Variants in PDIA5 observed in about 807,000 individuals in gnomAD.
PDIA5 encodes protein disulfide-isomerase A5.
Under a neutral mutation model 77.6 loss-of-function variants are expected in PDIA5, and 58 were observed. The observed-to-expected ratio is 0.75, with a 90% CI of 0.61 to 0.93. The LOEUF (loss-of-function observed/expected upper bound fraction) is 0.93. Ranked by LOEUF, PDIA5 falls within the 40% of genes least tolerant of loss-of-function variation. The pLI is 0.00. For missense variants in PDIA5, 630 were observed against 647.7 expected, an observed-to-expected ratio of 0.97 and a Z score of 0.30; for synonymous variants, 250 against 252.1, an observed-to-expected ratio of 0.99 and a Z score of 0.08.
At chr3:123,107,075 A>G (rs1434107681) in intron 6 of PDIA5, among the ~76,000 whole-genome samples, 2 of 152,200 alleles carry the variant, frequency 1.3e-5, no homozygotes, top group East Asian at 3.8e-4. Context: ...CACCTTCCTT[A>G]TTTAATGCAT....
At chr3:123,112,665 C>A (rs1198938655) in intron 7 of PDIA5, among the ~76,000 whole-genome samples, 3 of 146,698 alleles carry the variant, frequency 2.0e-5, no homozygotes, top group Non-Finnish European at 4.5e-5. Context: ...TCAAATGATT[C>A]TCCTGCCTCA....
intron 3 of PDIA5, among the ~76,000 whole-genome samples, chr3:123,092,664 C>T (rs1033356777): frequency 6.6e-6 from 1 of 152,102 alleles, no homozygotes; most frequent in East Asian, 1.9e-4. Flanking sequence ...TCCCTTTTTC[C>T]GTAGAGCTTT....
At chr3:123,070,899 T>A (rs1229940115) in intron 1 of PDIA5, among the ~76,000 whole-genome samples, 1 of 152,056 alleles carries the variant, frequency 6.6e-6, no homozygotes, top group Non-Finnish European at 1.5e-5. Context: ...TAGAGTTTTC[T>A]GGTCTGCAGT....
intron 15 of PDIA5, among the ~76,000 whole-genome samples, chr3:123,156,612 G>C (rs1230870840): frequency 6.6e-6 from 1 of 152,166 alleles, no homozygotes; most frequent in Non-Finnish European, 1.5e-5. Context: ...AGAATGCTGG[G>C]TGCTCTGGGC....
Position 123,155,056 on chromosome 3 carries a change from C to G in PDIA5, c.1344+15C>G. 1 of 1,567,052 alleles carries G rather than the reference C, an allele frequency of 6.4e-7. No individual in the cohort carries two copies. Among genetic ancestry groups the G allele is most frequent in the African/African-American group, 1.3e-5 (1 of 74,100 alleles). ...ATGACCGAAAGGTAAGGACAGCGCT[C>G]TTCATCTCTTGATCTGCCTGCAGCT... On this transcript the variant is annotated intron_variant, in intron 15 of 16. Coordinates refer to ENST00000316218, the MANE Select transcript of PDIA5 (RefSeq NM_006810.4).
At position 123,162,060 on chromosome 3, in the gene PDIA5, C is replaced by G; in HGVS notation, c.*100C>G. ...TCTGAAGACAAATTTTTTATAGCCG[C>G]TTATGGCCATTTTGTACAATTTTGA... On this transcript the variant is annotated 3_prime_UTR_variant, in exon 17 of 17. Coordinates refer to ENST00000316218, the MANE Select transcript of PDIA5 (RefSeq NM_006810.4). 1 of 735,712 alleles carries G rather than the reference C, an allele frequency of 1.4e-6. No individual in the cohort carries two copies. The highest frequency in any genetic ancestry group is 2.3e-5 in the Admixed American group (1 of 43,760). The allele number at this position is 735,712 out of a possible 1,614,324, so 45.6% of individuals were successfully genotyped here.
At chr3:123,156,316 G>A (rs113432389) in intron 15 of PDIA5, among the ~76,000 whole-genome samples, 152 of 152,294 alleles carry the variant, frequency 1.0e-3, no homozygotes, top group African/African-American at 3.3e-3. Context: ...ATTGTTACCC[G>A]AAAGCCCTGG....
chr3:123,085,231 A>G (rs1468511572), intron 1 of PDIA5, among the ~76,000 whole-genome samples: 1 of 152,184 alleles, frequency 6.6e-6, no homozygotes, highest in Non-Finnish European at 1.5e-5. Flanking sequence ...AGGGCTTTCA[A>G]TGCGCCAGGC....
intron 8 of PDIA5, among the ~76,000 whole-genome samples, chr3:123,122,060 A>T (rs1304187558): frequency 1.3e-5 from 2 of 152,330 alleles, no homozygotes; most frequent in Middle Eastern, 3.4e-3. Flanking sequence ...GAGAATAAAA[A>T]ATCTAGACCC....
chr3:123,161,851 C>A, intron 16 of PDIA5, 29 bp from the exon 17 acceptor site: 1 of 1,112,610 alleles, frequency 9.0e-7, no homozygotes, highest in Non-Finnish European at 1.3e-6. Context: ...AAAGCTCTTT[C>A]TCTCTCTCTC....
intron 5 of PDIA5, among the ~76,000 whole-genome samples, chr3:123,105,417 G>A (rs928393111): frequency 1.3e-5 from 2 of 152,176 alleles, no homozygotes; most frequent in African/African-American, 2.4e-5. Context: ...GGAAGACCCT[G>A]CCAATTCCAT....
At chr3:123,160,514 C>A (rs548882198) in intron 15 of PDIA5, among the ~76,000 whole-genome samples, 5 of 152,284 alleles carry the variant, frequency 3.3e-5, no homozygotes, top group African/African-American at 9.6e-5. Context: ...GCTCAGATGG[C>A]GAATCATACA....
In PDIA5 at chr3:123,161,891, T is replaced by C; in HGVS notation, c.1491T>C (p.Phe497=). Reference sequence around the variant, plus strand: ...CCACTTCCCTGCAGGAATTGGGATTTACCAATTATATTCGAGCCCTCCGGG... The same window carrying C: ...CCACTTCCCTGCAGGAATTGGGATTCACCAATTATATTCGAGCCCTCCGGG... The part of the protein sequence containing the change: ...KYDSDRTELG[F]TNYIRALREG... The change falls in exon 17 of 17, where the codon TTT becomes TTC. Residue 497 remains phenylalanine, a synonymous_variant. Coordinates refer to ENST00000316218, the MANE Select transcript of PDIA5 (RefSeq NM_006810.4). The C allele has an allele frequency of 6.3e-7, 1 of 1,593,972 alleles. No individual in the cohort carries two copies. Among genetic ancestry groups the C allele is most frequent in the African/African-American group, 1.3e-5 (1 of 74,620 alleles).
At chr3:123,131,005 C>T (rs1424577851) in intron 11 of PDIA5, among the ~76,000 whole-genome samples, 1 of 152,194 alleles carries the variant, frequency 6.6e-6, no homozygotes, top group Non-Finnish European at 1.5e-5. Context: ...CATATGGGGG[C>T]TCATACCTAT....
At chr3:123,114,256 G>A (rs186946856) in intron 7 of PDIA5, among the ~76,000 whole-genome samples, 10 of 152,338 alleles carry the variant, frequency 6.6e-5, no homozygotes, top group East Asian at 3.9e-4. Flanking sequence ...GTCACTGAGC[G>A]AAGAATGAGT....
At chr3:123,077,950 C>T (rs1292852123) in intron 1 of PDIA5, among the ~76,000 whole-genome samples, 1 of 151,890 alleles carries the variant, frequency 6.6e-6, no homozygotes, top group African/African-American at 2.4e-5. Context: ...GCTGGGACTA[C>T]AGGCACGTGC....
chr3:123,082,200 G>T (rs900753386), intron 1 of PDIA5, among the ~76,000 whole-genome samples: 1 of 152,064 alleles, frequency 6.6e-6, no homozygotes, highest in African/African-American at 2.4e-5. Context: ...TGGTTGCTTC[G>T]GTAGGCCCTG....
intron 3 of PDIA5, among the ~76,000 whole-genome samples, chr3:123,095,269 A>C (rs1934403055): frequency 6.6e-6 from 1 of 152,162 alleles, no homozygotes. Context: ...CCATTCTCCT[A>C]GTGTTGTTTT....
intron 1 of PDIA5, among the ~76,000 whole-genome samples, chr3:123,079,236 A>C (rs1018442771): frequency 2.0e-4 from 26 of 131,878 alleles, no homozygotes; most frequent in Non-Finnish European, 3.5e-4. Context: ...GCTGGAGTGC[A>C]ATGGTGCGAT....
Sources: gnomAD v4.1 joint callset for allele counts (sites outside exome capture counted in the v4.1 genomes callset) on GRCh38, gnomAD v4.1.1 for gene constraint, MANE v1.5 for transcripts, NCBI Gene and HGNC (gene_info 2026-07-23, HGNC 2026-07-21) for gene names.